The following AFF3 variants were observed in gnomAD, a reference collection of about 807,000 sequenced individuals.
AFF3 encodes the protein AF4/FMR2 family member 3.
Under a neutral mutation model 129.7 loss-of-function variants are expected in AFF3, and 32 were observed. The ratio of observed to expected loss-of-function variants is 0.25; its 90% CI spans 0.19 to 0.33. The LOEUF (loss-of-function observed/expected upper bound fraction) is 0.33, where lower values mean the gene tolerates loss of function less well. Ranked by LOEUF, AFF3 falls within the 10% of genes least tolerant of loss-of-function variation. AFF3 has a pLI of 1.00. For synonymous variants in AFF3, 644 were observed against 635.4 expected (o/e 1.01, Z -0.20); for missense variants, 1,373 against 1,592.0 (o/e 0.86, Z 2.34).
At chr2:99,596,114 T>C (rs935966004) in intron 14 of AFF3, among the ~76,000 whole-genome samples, 1 of 152,204 alleles carries the variant, frequency 6.6e-6, no homozygotes, top group African/African-American at 2.4e-5. Flanking sequence ...TCTTTGCTTG[T>C]TTTCATGGCC....
intron 8 of AFF3, among the ~76,000 whole-genome samples, chr2:99,785,851 G>A (rs960629009): frequency 2.4e-4 from 36 of 152,084 alleles, no homozygotes; most frequent in African/African-American, 8.5e-4. Context: ...GGGTTCAAGC[G>A]ATTCTGCTGC....
intron 4 of AFF3, among the ~76,000 whole-genome samples, chr2:100,071,678 T>C (rs1259406635): frequency 6.6e-6 from 1 of 152,118 alleles, no homozygotes; most frequent in Non-Finnish European, 1.5e-5. Flanking sequence ...GCATGGCGAT[T>C]GGTGGGAGCT....
intron 8 of AFF3, among the ~76,000 whole-genome samples, chr2:99,787,213 G>C (rs1014273450): frequency 1.4e-4 from 21 of 152,238 alleles, no homozygotes; most frequent in Admixed American, 6.5e-4. Flanking sequence ...TCCAACCGAA[G>C]CCAGAAGTGC....
chr2:100,046,796 G>A (rs1685870660), intron 4 of AFF3, among the ~76,000 whole-genome samples: 1 of 152,048 alleles, frequency 6.6e-6, no homozygotes, highest in African/African-American at 2.4e-5. Context: ...CACACTCTCA[G>A]CCAGGCATCT....
chr2:99,756,130 C>T (rs113930006), intron 8 of AFF3, among the ~76,000 whole-genome samples: 332 of 152,346 alleles, frequency 2.2e-3, no homozygotes, highest in African/African-American at 7.6e-3. Flanking sequence ...AGATGATCTG[C>T]ATCTTTCTCT....
intron 4 of AFF3, among the ~76,000 whole-genome samples, chr2:100,074,019 G>T (rs916317221): frequency 2.0e-5 from 3 of 152,132 alleles, no homozygotes; most frequent in African/African-American, 7.2e-5. Context: ...AAGTCAGAAG[G>T]AGACTGAGTA....
chr2:100,005,694 AAAG>A (rs1681909049), intron 7 of AFF3, among the ~76,000 whole-genome samples: 1 of 152,264 alleles, frequency 6.6e-6, no homozygotes, highest in Non-Finnish European at 1.5e-5. Context: ...ATAGATTAAA[AAAG>A]AAGTCTTTTC....
At chr2:99,866,015 G>C (rs79797411) in intron 7 of AFF3, among the ~76,000 whole-genome samples, 1 of 152,162 alleles carries the variant, frequency 6.6e-6, no homozygotes, top group African/African-American at 2.4e-5. Flanking sequence ...GAAAACTTTC[G>C]CAATACTCAA....
At chr2:99,770,000 G>A (rs1326785858) in intron 8 of AFF3, among the ~76,000 whole-genome samples, 3 of 152,228 alleles carry the variant, frequency 2.0e-5, no homozygotes. Flanking sequence ...GCTACAGCCT[G>A]TATTTGCTCA....
chr2:99,603,078 C>A (rs1164653534), intron 13 of AFF3, among the ~76,000 whole-genome samples: 1 of 152,222 alleles, frequency 6.6e-6, no homozygotes, highest in Non-Finnish European at 1.5e-5. Context: ...CAGCAGACAA[C>A]ATCTGCACAT....
At chr2:99,723,927 G>A (rs911511189) in intron 11 of AFF3, among the ~76,000 whole-genome samples, 7 of 152,216 alleles carry the variant, frequency 4.6e-5, no homozygotes, top group African/African-American at 1.2e-4. Flanking sequence ...GGGAGGAGAC[G>A]GTCACCTACA....
chr2:100,013,093 A>T (rs973046196), intron 4 of AFF3, among the ~76,000 whole-genome samples: 10 of 152,120 alleles, frequency 6.6e-5, no homozygotes, highest in East Asian at 3.9e-4. Context: ...TTTTAGAATT[A>T]AAAAAAATAG....
chr2:100,128,713 T>C (rs1255968648), intron 2 of AFF3, among the ~76,000 whole-genome samples: 8 of 152,206 alleles, frequency 5.3e-5, no homozygotes, highest in Admixed American at 5.2e-4. Context: ...ACAAAGAGGC[T>C]GCCTTCAGTT....
Position 99,835,274 on chromosome 2 carries a change from A to G in AFF3, c.921+2203T>C, listed in dbSNP as rs10188809. Among the ~76,000 whole-genome samples the G allele has an allele frequency of 3.1e-3, 475 of 152,250 alleles. 2 individuals carry two copies. Among genetic ancestry groups the G allele is most frequent in the African/African-American group, 0.011 (457 of 41,538 alleles). On this transcript the variant is annotated intron_variant, in intron 8 of 24. Transcript: ENST00000672756. ...AGCTGATCCGCATCTTATAGGATCT[A>G]CGACCTAGCTCTGTCTGCCTCTCCT... is the stretch of plus-strand genomic sequence containing the variant.
chr2:99,630,304 G>A (rs543550060), intron 13 of AFF3, among the ~76,000 whole-genome samples: 2 of 152,282 alleles, frequency 1.3e-5, no homozygotes, highest in Non-Finnish European at 2.9e-5. Context: ...TGATGGCAGT[G>A]GTGTTAGAAA....
chr2:99,735,409 C>T (rs1680172379), intron 10 of AFF3, among the ~76,000 whole-genome samples: 1 of 148,732 alleles, frequency 6.7e-6, no homozygotes, highest in African/African-American at 2.5e-5. Flanking sequence ...AATCTCTTTT[C>T]CATTTGTTTT....
intron 7 of AFF3, among the ~76,000 whole-genome samples, chr2:99,948,352 C>T (rs1228300162): frequency 6.6e-6 from 1 of 152,316 alleles, no homozygotes; most frequent in South Asian, 2.1e-4. Flanking sequence ...CTACCCTTAA[C>T]ACATCCTGCA....
At chr2:99,672,175 TTCTCACACACACACACAC>T (rs1305211638) in intron 12 of AFF3, among the ~76,000 whole-genome samples, 8 of 139,632 alleles carry the variant, frequency 5.7e-5, no homozygotes, top group Admixed American at 1.4e-4. Context: ...GCCAGTTAGC[TTCTCACACACACACACAC>T]ACACACACAC....
intron 2 of AFF3, among the ~76,000 whole-genome samples, chr2:100,117,591 G>A (rs554582176): frequency 1.1e-4 from 17 of 152,276 alleles, no homozygotes; most frequent in African/African-American, 3.1e-4. Context: ...ACTCTTTTAC[G>A]TGGAGCGCAT....
Sources: gnomAD v4.1 joint callset for allele counts (sites outside exome capture counted in the v4.1 genomes callset) on GRCh38, gnomAD v4.1.1 for gene constraint, MANE v1.5 for transcripts, NCBI Gene and HGNC (gene_info 2026-07-23, HGNC 2026-07-21) for gene names.